CNTLN: variants seen among roughly 807,000 people sequenced by gnomAD.
CNTLN encodes centlein.
CNTLN carries 212 observed loss-of-function variants against 180.0 expected under a neutral mutation model. The observed-to-expected ratio is 1.18, with a 90% CI of 1.05 to 1.32. CNTLN has a LOEUF of 1.32. Among genes scored for constraint, CNTLN ranks in the 40% most tolerant of loss-of-function variants. CNTLN has a pLI of 0.00. For missense variants in CNTLN, 2,095 were observed against 1,610.9 expected (o/e 1.30, Z -5.14); for synonymous variants, 722 against 563.1 (o/e 1.28, Z -3.99).
intron 2 of CNTLN, among the ~76,000 whole-genome samples, chr9:17,173,174 C>T (rs999342607): frequency 5.3e-5 from 8 of 152,134 alleles, no homozygotes; most frequent in Middle Eastern, 3.4e-3. Context: ...GAAGTTATAG[C>T]TATAATGCTG....
At chr9:17,526,773 C>T in the CNTLN span, among the ~76,000 whole-genome samples, 2 of 152,026 alleles carry the variant, frequency 1.3e-5, no homozygotes, top group Non-Finnish European at 2.9e-5. Flanking sequence ...AGAGTTTCCA[C>T]TAAATAATGA....
chr9:17,262,538 C>T (rs1478814013), intron 5 of CNTLN, among the ~76,000 whole-genome samples: 2 of 151,294 alleles, frequency 1.3e-5, no homozygotes, highest in East Asian at 1.9e-4. Flanking sequence ...AACACATGAA[C>T]ACAGGAAGGG....
chr9:17,302,115 C>CACACACACACACACAG (rs1563976227), intron 7 of CNTLN: 1 of 748,054 alleles, frequency 1.3e-6, no homozygotes, highest in East Asian at 1.7e-4. Context: ...CACACACACA[C>CACACACACACACACAG]ACACAGACAC....
chr9:17,463,915 A>G (rs1467289252), intron 20 of CNTLN, among the ~76,000 whole-genome samples: 2 of 126,576 alleles, frequency 1.6e-5, no homozygotes, highest in South Asian at 2.8e-4. Context: ...CATGTTAGCT[A>G]TTGTCATTCT....
Position 17,272,406 on chromosome 9 carries a change from T to C in CNTLN, c.850-1327T>C, listed in dbSNP as rs149810202. Among the ~76,000 whole-genome samples, 251 of 152,250 alleles carry C rather than the reference T, an allele frequency of 1.6e-3. 1 individual carries two copies. Among genetic ancestry groups the C allele is most frequent in the African/African-American group, 5.8e-3 (240 of 41,548 alleles). ...TGTTTATTTCTGATTGTTCACTTCATTGACTCTGTTTTTGAAGGTTAGATT... is the reference window on the plus strand; with the variant it reads ...TGTTTATTTCTGATTGTTCACTTCACTGACTCTGTTTTTGAAGGTTAGATT... On this transcript the variant is annotated intron_variant, in intron 5 of 25. Coordinates refer to ENST00000380647, the MANE Select transcript of CNTLN (RefSeq NM_017738.4).
At chr9:17,265,635 C>G (rs1304082905) in intron 5 of CNTLN, among the ~76,000 whole-genome samples, 1 of 152,090 alleles carries the variant, frequency 6.6e-6, no homozygotes, top group African/African-American at 2.4e-5. Context: ...CTTTGTACCT[C>G]TGGTAGAATT....
At chr9:17,201,693 AT>A (rs1261885861) in intron 2 of CNTLN, among the ~76,000 whole-genome samples, 2 of 151,734 alleles carry the variant, frequency 1.3e-5, no homozygotes, top group African/African-American at 4.8e-5. Context: ...CCCCTTTATA[AT>A]TTTTTATTGT....
intron 18 of CNTLN, among the ~76,000 whole-genome samples, chr9:17,453,447 T>C (rs980971751): frequency 6.6e-6 from 1 of 152,146 alleles, no homozygotes; most frequent in Non-Finnish European, 1.5e-5. Context: ...GGATACTTTC[T>C]TGAGATGGGA....
intron 2 of CNTLN, among the ~76,000 whole-genome samples, chr9:17,149,170 G>A (rs542663119): frequency 6.6e-6 from 1 of 152,294 alleles, no homozygotes; most frequent in South Asian, 2.1e-4. Context: ...TGTCTGCATA[G>A]TATTCCATGG....
Position 17,389,748 on chromosome 9 carries a change from A to G in CNTLN, c.2079+1495A>G, listed in dbSNP as rs534095507. Among the ~76,000 whole-genome samples, 19 of 152,056 alleles carry G rather than the reference A, an allele frequency of 1.2e-4. No individual in the cohort carries two copies. In the East Asian group the frequency reaches 2.9e-3, roughly 23 times the overall value. On this transcript the variant is annotated intron_variant, in intron 14 of 25. Transcript: ENST00000380647. ...TAGTAGAAATGAAACATATATGCAG[A>G]TTATTTTGAAAATAATATATTAACA...
intron 18 of CNTLN, among the ~76,000 whole-genome samples, chr9:17,456,456 C>T (rs572656365): frequency 6.6e-6 from 1 of 152,138 alleles, no homozygotes; most frequent in East Asian, 1.9e-4. Flanking sequence ...AGTCCATGAT[C>T]TGAAATATTC....
At chr9:17,500,977 A>T (rs1439614944) in intron 25 of CNTLN, among the ~76,000 whole-genome samples, 1 of 152,190 alleles carries the variant, frequency 6.6e-6, no homozygotes, top group Non-Finnish European at 1.5e-5. Context: ...TGCTTTTATC[A>T]TTATCCTCCA....
At chr9:17,349,122 C>T (rs532628547) in intron 12 of CNTLN, among the ~76,000 whole-genome samples, 1 of 152,164 alleles carries the variant, frequency 6.6e-6, no homozygotes. Flanking sequence ...TGTTGTTCCA[C>T]TACTCCTGAG....
At chr9:17,375,769 C>T (rs922080563) in intron 13 of CNTLN, among the ~76,000 whole-genome samples, 1 of 152,156 alleles carries the variant, frequency 6.6e-6, no homozygotes, top group African/African-American at 2.4e-5. Context: ...AGATCTGCAA[C>T]CTCCCTGACA....
intron 22 of CNTLN, 27 bp from the exon 23 acceptor site, chr9:17,466,679 T>C: frequency 1.9e-6 from 3 of 1,571,708 alleles, no homozygotes; most frequent in Non-Finnish European, 2.6e-6. Context: ...AAATATCTTT[T>C]ATTTTATGAC....
the CNTLN span, among the ~76,000 whole-genome samples, chr9:17,524,569 A>C: frequency 1.7e-3 from 259 of 152,376 alleles, 1 homozygote; most frequent in African/African-American, 5.9e-3. Flanking sequence ...CCAAGTGTCT[A>C]GGTACTGGAT....
At chr9:17,398,374 C>T (rs1229708153) in intron 15 of CNTLN, among the ~76,000 whole-genome samples, 2 of 151,964 alleles carry the variant, frequency 1.3e-5, no homozygotes, top group African/African-American at 2.4e-5. Flanking sequence ...CCCAGGCTGG[C>T]TTCAAAGCAG....
intron 2 of CNTLN, among the ~76,000 whole-genome samples, chr9:17,222,055 C>G (rs1364663198): frequency 1.3e-5 from 2 of 152,036 alleles, no homozygotes; most frequent in Admixed American, 6.6e-5. Context: ...TTATCAGTGT[C>G]TCTCACTGCC....
intron 6 of CNTLN, among the ~76,000 whole-genome samples, chr9:17,290,297 G>T (rs1829286399): frequency 6.6e-6 from 1 of 151,750 alleles, no homozygotes; most frequent in Non-Finnish European, 1.5e-5. Flanking sequence ...CCCTGCTGGG[G>T]GGTGCCTCCC....
Sources: allele counts gnomAD v4.1 joint callset (sites outside exome capture counted in the v4.1 genomes callset), GRCh38; gene constraint gnomAD v4.1.1; transcripts MANE v1.5; gene names NCBI Gene and HGNC (gene_info 2026-07-23, HGNC 2026-07-21).